The following COG4 variants were observed in gnomAD, a reference collection of about 807,000 sequenced individuals.
COG4 encodes the protein conserved oligomeric Golgi complex subunit 4.
In COG4, 65 loss-of-function variants were observed where a neutral mutation model predicts 95.1. The observed-to-expected ratio is 0.68, with a 90% CI of 0.56 to 0.84. The LOEUF (loss-of-function observed/expected upper bound fraction) is 0.84, where lower values mean the gene tolerates loss of function less well. COG4 is among the 40% of genes least tolerant of loss of function. The pLI is 0.00. For missense variants in COG4, 1,045 were observed against 989.1 expected (o/e 1.06, Z -0.76); for synonymous variants, 421 against 374.8 (o/e 1.12, Z -1.42).
intron 12 of COG4, among the ~76,000 whole-genome samples, chr16:70,492,435 G>C (rs1192298915): frequency 6.6e-6 from 1 of 152,050 alleles, no homozygotes; most frequent in Non-Finnish European, 1.5e-5. Context: ...GATGCGGGCA[G>C]ATCACCTGAG....
chr16:70,485,820 G>C (rs1299365016), intron 13 of COG4, among the ~76,000 whole-genome samples: 2 of 151,710 alleles, frequency 1.3e-5, no homozygotes, highest in Non-Finnish European at 2.9e-5. Context: ...CCTGACTGCA[G>C]GTGATCTGCC....
At chr16:70,518,737 G>T (rs1404981901) in intron 2 of COG4, among the ~76,000 whole-genome samples, 1 of 151,898 alleles carries the variant, frequency 6.6e-6, no homozygotes, top group Non-Finnish European at 1.5e-5. Flanking sequence ...TAACACTTTG[G>T]GAGGCCAGGC....
chr16:70,493,674 C>T (rs921217524), intron 12 of COG4, among the ~76,000 whole-genome samples: 3 of 152,250 alleles, frequency 2.0e-5, no homozygotes, highest in Middle Eastern at 3.4e-3. Context: ...GGTAGAGCTG[C>T]GAGGGGCAGA....
At chr16:70,510,423 A>G (rs1177807399) in intron 5 of COG4, among the ~76,000 whole-genome samples, 1 of 152,172 alleles carries the variant, frequency 6.6e-6, no homozygotes, top group Non-Finnish European at 1.5e-5. Context: ...CCTGGACTCA[A>G]GTGATCCTCT....
At chr16:70,512,096 T>A in intron 5 of COG4, 143 bp downstream of exon 5, 1 of 803,340 alleles carries the variant, frequency 1.2e-6, no homozygotes, top group African/African-American at 1.7e-5. Flanking sequence ...ATGCATCCAG[T>A]CCTGCATGGC....
intron 12 of COG4, among the ~76,000 whole-genome samples, chr16:70,493,135 G>A (rs1055634778): frequency 3.3e-5 from 5 of 152,154 alleles, no homozygotes; most frequent in African/African-American, 1.2e-4. Context: ...AGATGAAGGT[G>A]AGAACATTTC....
At chr16:70,481,564 GT>G in intron 17 of COG4, 77 bp from the exon 18 acceptor site, 1 of 1,602,898 alleles carries the variant, frequency 6.2e-7, no homozygotes, top group Non-Finnish European at 8.5e-7. Flanking sequence ...CCAGAGCTGG[GT>G]GGCAAGGCCC....
intron 9 of COG4, among the ~76,000 whole-genome samples, chr16:70,498,768 T>C (rs2049391282): frequency 1.3e-5 from 2 of 152,244 alleles, no homozygotes; most frequent in African/African-American, 2.4e-5. Context: ...AATACTTTTG[T>C]ATGAAAAACT....
intron 2 of COG4, among the ~76,000 whole-genome samples, chr16:70,518,132 C>T (rs55926204): frequency 0.12 from 18,294 of 151,916 alleles, 3,639 homozygotes; most frequent in African/African-American, 0.41. Context: ...GGTTTCACCA[C>T]GTTGGCCAGG....
chr16:70,509,317 G>C lies in COG4; in HGVS notation c.916C>G (p.Leu306Val), dbSNP rs750750884. 6.6e-5 allele frequency: 107 copies of C among 1,614,038 alleles called. No individual in the cohort carries two copies. Among genetic ancestry groups the C allele is most frequent in the Non-Finnish European group, 8.9e-5 (105 of 1,180,026 alleles). Residue 306 changes from leucine (L) to valine (V), a missense_variant, in exon 7 of 19, where the codon CTG (leucine) becomes GTG (valine). Leu to Val is a conservative substitution (Grantham distance 32). Coordinates refer to ENST00000323786, the MANE Select transcript of COG4 (RefSeq NM_015386.3). ...CATTCCACCTGCAGATATTTGATCA[G>C]GGTATAGAGTCTCCCTGGCCCATAA... ...TYYGPGRLYTLIKYLQVECDR... is the reference protein window; with the variant it reads ...TYYGPGRLYTVIKYLQVECDR...
At chr16:70,492,192 C>A (rs2151746047) in intron 12 of COG4, among the ~76,000 whole-genome samples, 1 of 152,256 alleles carries the variant, frequency 6.6e-6, no homozygotes, top group African/African-American at 2.4e-5. Flanking sequence ...AGCTCCATAC[C>A]CCTTCCCCCA....
intron 9 of COG4, among the ~76,000 whole-genome samples, chr16:70,499,523 A>G (rs2049405327): frequency 6.6e-6 from 1 of 152,158 alleles, no homozygotes; most frequent in Non-Finnish European, 1.5e-5. Flanking sequence ...CCCTGCATAT[A>G]TTTGCCCAGC....
At chr16:70,507,540 C>A (rs1052077426) in intron 8 of COG4, among the ~76,000 whole-genome samples, 1 of 151,928 alleles carries the variant, frequency 6.6e-6, no homozygotes. Flanking sequence ...CAATGGAAAT[C>A]GTCTAATGAT....
chr16:70,523,036 G>T, intron 1 of COG4: 1 of 329,894 alleles, frequency 3.0e-6, no homozygotes, highest in African/African-American at 2.1e-5. Flanking sequence ...ATGCAAAAGG[G>T]CGCTTATTAT....
intron 8 of COG4, among the ~76,000 whole-genome samples, chr16:70,502,174 C>G (rs1437873486): frequency 1.4e-5 from 2 of 144,262 alleles, no homozygotes; most frequent in Non-Finnish European, 3.0e-5. Context: ...CCCAGCTACT[C>G]GGGAGGCCAA....
chr16:70,501,119 G>C, intron 8 of COG4, 28 bp from the exon 9 acceptor site: 3 of 1,609,602 alleles, frequency 1.9e-6, no homozygotes, highest in Non-Finnish European at 2.5e-6. Context: ...GAAGGAATAG[G>C]ACGACAATGG....
At chr16:70,494,972 T>C (rs535552067) in intron 12 of COG4, among the ~76,000 whole-genome samples, 1 of 152,304 alleles carries the variant, frequency 6.6e-6, no homozygotes, top group Admixed American at 6.5e-5. Flanking sequence ...AGCTTTCACA[T>C]TGGATCTGTC....
intron 9 of COG4, among the ~76,000 whole-genome samples, chr16:70,499,536 G>A (rs2049405583): frequency 6.6e-6 from 1 of 152,170 alleles, no homozygotes; most frequent in South Asian, 2.1e-4. Context: ...TGCCCAGCAG[G>A]ATTTTTATTT....
chr16:70,484,971 TA>T (rs1002649233), intron 13 of COG4, among the ~76,000 whole-genome samples: 16 of 152,004 alleles, frequency 1.1e-4, no homozygotes, highest in African/African-American at 2.7e-4. Flanking sequence ...TTGACCTTCA[TA>T]AAAAAAAGTA....
Sources: gnomAD v4.1 joint callset for allele counts (sites outside exome capture counted in the v4.1 genomes callset) on GRCh38, gnomAD v4.1.1 for gene constraint, MANE v1.5 for transcripts, NCBI Gene and HGNC (gene_info 2026-07-23, HGNC 2026-07-21) for gene names.